The following RBP2 variants were observed in gnomAD, a reference collection of about 807,000 sequenced individuals.
The protein encoded by RBP2 is retinol binding protein 2, also known as retinol-binding protein 2.
In RBP2, 17 loss-of-function variants were observed where a neutral mutation model predicts 17.0. The observed-to-expected ratio is 1.00, with a 90% CI of 0.68 to 1.50. The LOEUF is 1.50. RBP2 is among the 40% of genes most tolerant of loss of function. The pLI, the probability that RBP2 is intolerant of heterozygous loss-of-function variation, is 0.00. For synonymous variants in RBP2, 48 were observed against 57.1 expected (o/e 0.84, Z 0.72); for missense variants, 158 against 168.2 (o/e 0.94, Z 0.33).
intron 1 of RBP2, among the ~76,000 whole-genome samples, chr3:139,464,063 C>T (rs1933282073): frequency 6.6e-6 from 1 of 152,184 alleles, no homozygotes; most frequent in African/African-American, 2.4e-5. Flanking sequence ...TCAGGAAGTT[C>T]CTGTCAGTTT....
At chr3:139,457,274 G>A (rs1488417772) in intron 2 of RBP2, among the ~76,000 whole-genome samples, 2 of 152,200 alleles carry the variant, frequency 1.3e-5, no homozygotes, top group African/African-American at 4.8e-5. Context: ...TCCTACCAGA[G>A]TGCACACACG....
At chr3:139,474,995 A>G (rs1483244399) in intron 1 of RBP2, among the ~76,000 whole-genome samples, 1 of 152,086 alleles carries the variant, frequency 6.6e-6, no homozygotes, top group Non-Finnish European at 1.5e-5. Flanking sequence ...CAGAATGAAA[A>G]GGAAAGCTAT....
rs1187927537 is a variant in RBP2, at chr3:139,469,683, G to GTCTATCTA, written c.73+6703_73+6704insTAGATAGA. ...CATCTATCTGTCTGTCTGTCTGTCT[G>GTCTATCTA]TCTGTCTATCTATCTATCTATCTAT... On this transcript the variant is annotated intron_variant, in intron 1 of 3. Coordinates refer to ENST00000232217, the MANE Select transcript of RBP2 (RefSeq NM_004164.3). Among the ~76,000 whole-genome samples, 626 of 127,586 alleles carry GTCTATCTA rather than the reference G, an allele frequency of 4.9e-3. 5 individuals are homozygous for GTCTATCTA. Among genetic ancestry groups the GTCTATCTA allele is most frequent in the African/African-American group, 8.3e-3 (309 of 37,206 alleles). The allele number at this position is 127,586 out of a possible 152,430, so 83.7% of individuals were successfully genotyped here.
chr3:139,453,230 C>G, intron 3 of RBP2, 64 bp from the exon 4 acceptor site: 2 of 1,584,744 alleles, frequency 1.3e-6, no homozygotes, highest in Admixed American at 3.3e-5. Flanking sequence ...CAGCCCTCAG[C>G]CCCCTTGGTA....
At position 139,476,066 on chromosome 3, in the gene RBP2, C is replaced by T. The variant is rs140603410; in HGVS notation, c.73+321G>A. Among the ~76,000 whole-genome samples, 342 of 152,214 alleles carry T rather than the reference C, an allele frequency of 2.2e-3. 1 individual carries two copies. The highest frequency in any genetic ancestry group is 3.2e-3 in the Non-Finnish European group (217 of 68,018). ...AGATGGTGGTCACAAGGCAGAAGAGCGACTGTGTTATCCTCTCAAGTTTGG... is the reference window on the plus strand; with the variant it reads ...AGATGGTGGTCACAAGGCAGAAGAGTGACTGTGTTATCCTCTCAAGTTTGG... On this transcript the variant is annotated intron_variant, in intron 1 of 3. Transcript: ENST00000232217.
At chr3:139,454,362 A>G (rs913758991) in intron 3 of RBP2, among the ~76,000 whole-genome samples, 2 of 152,012 alleles carry the variant, frequency 1.3e-5, no homozygotes, top group African/African-American at 2.4e-5. Context: ...TCTCTCTCCC[A>G]GGCTCCCATC....
intron 2 of RBP2, among the ~76,000 whole-genome samples, chr3:139,456,810 A>G (rs569102533): frequency 1.2e-4 from 19 of 152,196 alleles, no homozygotes; most frequent in Admixed American, 3.9e-4. Flanking sequence ...TTTTCTAAAG[A>G]AAAAAAAGGT....
At chr3:139,453,198 C>G (rs763592643) in intron 3 of RBP2, 32 bp from the exon 4 acceptor site, 7 of 1,613,588 alleles carry the variant, frequency 4.3e-6, no homozygotes, top group Non-Finnish European at 5.9e-6. Context: ...GAGGGTCTAA[C>G]AAGCCAGGCC....
chr3:139,458,613 C>A (rs769382366), intron 2 of RBP2, among the ~76,000 whole-genome samples: 51 of 152,310 alleles, frequency 3.3e-4, no homozygotes, highest in Middle Eastern at 3.4e-3. Flanking sequence ...TACTAGCAAT[C>A]ACCATTCATT....
intron 1 of RBP2, among the ~76,000 whole-genome samples, chr3:139,464,440 G>A (rs1933294020): frequency 6.7e-6 from 1 of 150,240 alleles, no homozygotes; most frequent in Non-Finnish European, 1.5e-5. Context: ...GCAATAGAGC[G>A]AGACTCCATC....
chr3:139,470,208 G>A (rs1302984676), intron 1 of RBP2, among the ~76,000 whole-genome samples: 3 of 152,022 alleles, frequency 2.0e-5, no homozygotes, highest in Admixed American at 6.6e-5. Flanking sequence ...CACTCCTCCC[G>A]GTGACTTCCC....
At chr3:139,454,376 A>G (rs1433846882) in intron 3 of RBP2, among the ~76,000 whole-genome samples, 2 of 152,052 alleles carry the variant, frequency 1.3e-5, no homozygotes, top group East Asian at 3.9e-4. Context: ...TCCCATCATT[A>G]TGAGAAGGCC....
intron 1 of RBP2, among the ~76,000 whole-genome samples, chr3:139,474,590 G>A (rs554613833): frequency 1.6e-4 from 25 of 152,302 alleles, no homozygotes; most frequent in African/African-American, 6.0e-4. Flanking sequence ...CCTTGTTAAA[G>A]TACTTTTAAT....
chr3:139,456,333 C>G (rs992343619), intron 2 of RBP2, among the ~76,000 whole-genome samples: 1 of 152,112 alleles, frequency 6.6e-6, no homozygotes, highest in African/African-American at 2.4e-5. Flanking sequence ...ATTGTTAAAT[C>G]TACCTATTTC....
chr3:139,460,637 G>A (rs1933154618), intron 2 of RBP2, among the ~76,000 whole-genome samples: 1 of 152,186 alleles, frequency 6.6e-6, no homozygotes, highest in Non-Finnish European at 1.5e-5. Flanking sequence ...TGGAAGGACA[G>A]TGTGAGAGTC....
intron 1 of RBP2, among the ~76,000 whole-genome samples, chr3:139,469,308 GCCT>G (rs1214668739): frequency 6.6e-6 from 1 of 152,170 alleles, no homozygotes; most frequent in Non-Finnish European, 1.5e-5. Flanking sequence ...ATCCCTGCCT[GCCT>G]CCTCCTCTCA....
At position 139,463,800 on chromosome 3, in the gene RBP2, C is replaced by A. The variant is rs958635518; in HGVS notation, c.74-1510G>T. 3.9e-5 allele frequency among the ~76,000 whole-genome samples: 6 copies of A among 152,178 alleles called. No individual in the cohort carries two copies. In the South Asian group the frequency reaches 1.2e-3, roughly 32 times the overall value. Reference sequence around the variant, plus strand: ...TAAATTCTCCAAATATCTTTAGATGCCAATTTAAATCTTTAATATTTTTTT... The same window carrying A: ...TAAATTCTCCAAATATCTTTAGATGACAATTTAAATCTTTAATATTTTTTT... On this transcript the variant is annotated intron_variant, in intron 1 of 3. Coordinates refer to ENST00000232217, the MANE Select transcript of RBP2 (RefSeq NM_004164.3).
intron 3 of RBP2, among the ~76,000 whole-genome samples, chr3:139,453,728 C>G (rs1327884531): frequency 6.6e-6 from 1 of 152,202 alleles, no homozygotes; most frequent in Non-Finnish European, 1.5e-5. Context: ...CCTCACTGAT[C>G]CTCGAAGGAG....
intron 1 of RBP2, among the ~76,000 whole-genome samples, chr3:139,468,714 G>A (rs774751533): frequency 6.6e-5 from 10 of 151,990 alleles, no homozygotes; most frequent in Admixed American, 2.0e-4. Flanking sequence ...CTTCCTCTTC[G>A]TACTTTGCAG....
Sources: gnomAD v4.1 joint callset for allele counts (sites outside exome capture counted in the v4.1 genomes callset) on GRCh38, gnomAD v4.1.1 for gene constraint, MANE v1.5 for transcripts, NCBI Gene and HGNC (gene_info 2026-07-23, HGNC 2026-07-21) for gene names.